TRPM5: variants seen among roughly 807,000 people sequenced by gnomAD.
TRPM5 encodes MLSN1 and TRP-related.
Under a neutral mutation model 124.9 loss-of-function variants are expected in TRPM5, and 121 were observed. The ratio of observed to expected loss-of-function variants is 0.97; its 90% confidence interval spans 0.84 to 1.13. TRPM5 has a LOEUF of 1.13. TRPM5 is among the 50% of genes most tolerant of loss of function. The pLI, the probability that TRPM5 is intolerant of heterozygous loss-of-function variation, is 0.00. For missense variants in TRPM5, 1,643 were observed against 1,589.1 expected, an observed-to-expected ratio of 1.03 and a Z score of -0.58; for synonymous variants, 781 against 700.5, an observed-to-expected ratio of 1.11 and a Z score of -1.81.
Position 2,413,148 on chromosome 11 carries a change from A to G in TRPM5, c.2082T>C (p.Tyr694=), listed in dbSNP as rs1480912179. Residue 694 remains tyrosine, a synonymous_variant, in exon 14 of 24, where the codon TAT becomes TAC. Transcript: ENST00000155858. ...GTGCCTCGCACCGGCTCTGCAGGCC[A>G]TACAGCGGGCTCTTCTCCGTGTCCA... 2.6e-6 allele frequency: 4 copies of G among 1,553,476 alleles called. No individual in the cohort carries two copies. In the East Asian group the frequency reaches 7.2e-5, roughly 28 times the overall value.
At chr11:2,411,829 G>A in intron 16 of TRPM5, 62 bp from the exon 22 acceptor site, 1 of 1,594,468 alleles carries the variant, frequency 6.3e-7, no homozygotes, top group Non-Finnish European at 8.6e-7. Flanking sequence ...TTCCCCAGGG[G>A]CACACAGCAT....
chr11:2,420,613 G>A (rs185608819), intron 3 of TRPM5, among the ~76,000 whole-genome samples: 97 of 152,378 alleles, frequency 6.4e-4, no homozygotes, highest in African/African-American at 1.9e-3. Flanking sequence ...CAGGGGCAGG[G>A]GCGGTGGGGA....
intron 4 of TRPM5, among the ~76,000 whole-genome samples, chr11:2,418,805 G>A (rs899057363): frequency 1.3e-5 from 2 of 152,226 alleles, no homozygotes; most frequent in African/African-American, 2.4e-5. Flanking sequence ...CCCAGCACGC[G>A]CACTTTGTGG....
chr11:2,414,009 G>GGGGGGGGCCCCC, intron 12 of TRPM5, 52 bp downstream of exon 17: 3 of 1,023,728 alleles, frequency 2.9e-6, no homozygotes, highest in Non-Finnish European at 4.3e-6. Flanking sequence ...GGCCCAGCTC[G>GGGGGGGGCCCCC]CCCGCCCACC....
exon 4 of TRPM5, chr11:2,420,231 C>T: frequency 6.2e-7 from 1 of 1,601,590 alleles, no homozygotes; most frequent in South Asian, 1.1e-5. Context: ...CCCCCGTAGC[C>T]CGCCCTCTGC....
At chr11:2,422,986 G>A in exon 1 of TRPM5, 5 of 1,613,034 alleles carry the variant, frequency 3.1e-6, no homozygotes, top group Non-Finnish European at 4.2e-6. Context: ...GCTCCCGCCG[G>A]TCTTCAGCAT....
At chr11:2,416,066 G>A in intron 7 of TRPM5, 42 bp from the exon 13 acceptor site, 3 of 1,467,880 alleles carry the variant, frequency 2.0e-6, no homozygotes, top group South Asian at 2.4e-5. Context: ...GTGGAGCTGA[G>A]GGCCTCACAG....
intron 2 of TRPM5, 27 bp from the exon 8 acceptor site, chr11:2,421,225 G>T (rs1386051445): frequency 1.3e-6 from 2 of 1,526,118 alleles, no homozygotes; most frequent in African/African-American, 2.8e-5. Context: ...GGGCCTCGTT[G>T]TGCCGCACGC....
At position 2,416,128 on chromosome 11, in the gene TRPM5, G is replaced by A. The variant is rs370345857; in HGVS notation, c.1010-104C>T. 3.0e-3 allele frequency: 2,266 copies of A among 764,480 alleles called. 63 individuals carry two copies. In the South Asian group the frequency reaches 0.039, roughly 13 times the overall value. The allele number at this position is 764,480 out of a possible 1,614,324, so 47.4% of individuals were successfully genotyped here. ...GCGCTGCCTAGAGACGCGGAAACGG[G>A]AACTTCACGCTGGGACTTGAGGGGG... On this transcript the variant is annotated intron_variant, in intron 7 of 23. Coordinates refer to ENST00000155858, the Ensembl canonical transcript of TRPM5.
chr11:2,411,912 A>G lies in TRPM5; in HGVS notation c.2475-145T>C, dbSNP rs1437383358. On this transcript the variant is annotated intron_variant, in intron 16 of 23. Transcript: ENST00000155858. ...GAGTGGCTTCATCTTTTGTTTATTT[A>G]TTTTTAAGAGACAGGGTCTTGCTCT... is the stretch of plus-strand genomic sequence containing the variant. The G allele has an allele frequency of 1.0e-5, 11 of 1,090,638 alleles. No homozygotes were observed. The East Asian group carries it at 2.5e-4, about 25-fold the overall frequency. The allele number at this position is 1,090,638 out of a possible 1,614,324, so 67.6% of individuals were successfully genotyped here. A position where few individuals can be genotyped will look rare whatever the true frequency, so the allele number is the denominator to read the frequency against.
rs1034362534 is a variant in TRPM5 at position 2,411,282 on chromosome 11, C to T, written c.2782+70G>A. The stretch of plus-strand genomic sequence containing the variant: ...CCCAACAGACCTCTCTGGAGAGCCT[C>T]ATGCCCAGGGCTTGTGCACACAGGG... On this transcript the variant is annotated intron_variant, in intron 18 of 23. Coordinates refer to ENST00000155858, the Ensembl canonical transcript of TRPM5. 24 of 1,459,310 alleles carry T rather than the reference C, an allele frequency of 1.6e-5. No individual in the cohort carries two copies. The East Asian group carries it at 5.5e-4, about 33-fold the overall frequency. The allele number at this position is 1,459,310 out of a possible 1,614,324, so 90.4% of individuals were successfully genotyped here.
chr11:2,415,380 G>A (rs768497558), exon 9 of TRPM5: 3 of 1,590,026 alleles, frequency 1.9e-6, no homozygotes, highest in Admixed American at 3.4e-5. Flanking sequence ...CAGGAAGTCG[G>A]CCACGTCTGC....
chr11:2,405,944 G>C, intron 22 of TRPM5, 75 bp downstream of exon 27: 1 of 1,332,236 alleles, frequency 7.5e-7, no homozygotes, highest in South Asian at 1.2e-5. Flanking sequence ...ACCGGGCAGG[G>C]CTGTGGACCC....
exon 1 of TRPM5, chr11:2,422,955 C>T (rs532467917): frequency 6.2e-7 from 1 of 1,613,236 alleles, no homozygotes; most frequent in African/African-American, 1.3e-5. Context: ...CCAAAGTTGA[C>T]CTCGCCCCTG....
exon 13 of TRPM5, chr11:2,413,516 G>T: frequency 6.2e-7 from 1 of 1,612,460 alleles, no homozygotes. Context: ...GCGGGGCAGA[G>T]GAAGGCTCCT....
the TRPM5 span, among the ~76,000 whole-genome samples, chr11:2,440,177 GA>G: frequency 6.6e-6 from 1 of 152,168 alleles, no homozygotes; most frequent in African/African-American, 2.4e-5. This position sits in a 1 kb window ranked among gnomAD's most constrained non-coding sequence, Gnocchi z 5.2. Flanking sequence ...AGACACTGGG[GA>G]CTGGTAGATG....
the TRPM5 span, among the ~76,000 whole-genome samples, chr11:2,434,675 T>C: frequency 6.6e-6 from 1 of 151,706 alleles, no homozygotes; most frequent in South Asian, 2.1e-4. Flanking sequence ...TGAGTGCATG[T>C]ATGTGTAGCT....
rs756125091 is a variant in TRPM5 at position 2,415,451 on chromosome 11, C to T, written c.1149G>A (p.Val383=). 3 of 1,578,880 alleles carry T rather than the reference C, an allele frequency of 1.9e-6. No individual in the cohort carries two copies. The African/African-American group carries it at 4.0e-5, about 21-fold the overall frequency. ...TGTTGCTGACCAGGGCGTCCACCAT[C>T]ACCTCCTCCAGGTCACAGGACTTGG... The change falls in exon 9 of 24, where the codon GTG becomes GTA. Residue 383 remains valine (V), a synonymous_variant. Transcript: ENST00000155858.
At chr11:2,431,334 C>G in the TRPM5 span, among the ~76,000 whole-genome samples, 2 of 152,038 alleles carry the variant, frequency 1.3e-5, no homozygotes, top group South Asian at 4.1e-4. Context: ...TCCACTAGAC[C>G]CTGAAAGTCC....
Sources: gnomAD v4.1 joint callset for allele counts (sites outside exome capture counted in the v4.1 genomes callset) on GRCh38, gnomAD v4.1.1 for gene constraint, Gnocchi (gnomAD v3.1) non-coding constraint, MANE v1.5 for transcripts, NCBI Gene and HGNC (gene_info 2026-07-23, HGNC 2026-07-21) for gene names.